The following SNW1 variants were observed in gnomAD, a reference collection of about 807,000 sequenced individuals.
The protein encoded by SNW1 is SNW domain containing 1, also known as SNW domain-containing protein 1.
A neutral mutation model predicts 75.6 loss-of-function variants in SNW1; 9 were observed. The ratio of observed to expected loss-of-function variants is 0.12; its 90% CI spans 0.07 to 0.21. The LOEUF (loss-of-function observed/expected upper bound fraction) is 0.21. SNW1 is among the 10% of genes least tolerant of loss of function. The pLI is 1.00. For missense variants in SNW1, 409 were observed against 670.9 expected, an observed-to-expected ratio of 0.61 and a Z score of 4.31; for synonymous variants, 200 against 219.1, an observed-to-expected ratio of 0.91 and a Z score of 0.77.
At chr14:77,761,075 C>G (rs773660006) in intron 1 of SNW1, 39 bp downstream of exon 1, 14 of 1,614,126 alleles carry the variant, frequency 8.7e-6, no homozygotes, top group Non-Finnish European at 1.2e-5. Flanking sequence ...CTGGTACTCC[C>G]AGACCCTTCC....
At chr14:77,745,300 G>A (rs2080752608) in intron 3 of SNW1, among the ~76,000 whole-genome samples, 1 of 152,124 alleles carries the variant, frequency 6.6e-6, no homozygotes, top group African/African-American at 2.4e-5. Flanking sequence ...ATGAATAAGG[G>A]TAGAACTTTC....
At chr14:77,757,542 T>C (rs2080851052) in intron 1 of SNW1, among the ~76,000 whole-genome samples, 1 of 152,228 alleles carries the variant, frequency 6.6e-6, no homozygotes, top group South Asian at 2.1e-4. Flanking sequence ...AGGTTCTGTA[T>C]GTTTGATTAT....
Position 77,731,142 on chromosome 14 carries a change from T to C in SNW1, c.892-13A>G. The C allele has an allele frequency of 1.9e-6, 3 of 1,612,976 alleles. No individual in the cohort carries two copies. The highest frequency in any genetic ancestry group is 1.7e-6 in the Non-Finnish European group (2 of 1,179,914). On this transcript the variant is annotated splice_polypyrimidine_tract_variant and intron_variant, in intron 9 of 13. Transcript: ENST00000261531. ...CAGCTTCACGAGCCTGTTGGTAAAG[T>C]CACATGTTAAACAGGACACTATCAT...
At chr14:77,722,441 C>G (rs1307551203) in intron 11 of SNW1, 1 of 432,188 alleles carries the variant, frequency 2.3e-6, no homozygotes, top group South Asian at 1.6e-5. Flanking sequence ...CTCAATTGTA[C>G]TAGATGCAGT....
intron 2 of SNW1, among the ~76,000 whole-genome samples, chr14:77,751,845 C>CCACA (rs1555388653): frequency 3.3e-5 from 4 of 122,578 alleles, no homozygotes; most frequent in Admixed American, 1.5e-4. Flanking sequence ...CACACACACA[C>CCACA]CACACACACA....
intron 8 of SNW1, chr14:77,733,923 A>T: frequency 2.2e-6 from 1 of 445,718 alleles, no homozygotes; most frequent in Non-Finnish European, 4.5e-6. Flanking sequence ...AGTCTCTCAA[A>T]TGTTGACTTT....
chr14:77,748,641 C>T (rs982308817), intron 3 of SNW1, among the ~76,000 whole-genome samples: 4 of 151,548 alleles, frequency 2.6e-5, no homozygotes, highest in South Asian at 2.1e-4. Context: ...GGCTGGAGTG[C>T]GGTGGTGCCG....
chr14:77,747,847 G>A (rs2080776073), intron 3 of SNW1, among the ~76,000 whole-genome samples: 1 of 150,358 alleles, frequency 6.7e-6, no homozygotes, highest in Non-Finnish European at 1.5e-5. Flanking sequence ...GGGCGCCTCT[G>A]CCCGGCCGCC....
chr14:77,748,905 TA>T (rs1230431516), intron 3 of SNW1, among the ~76,000 whole-genome samples: 2 of 152,036 alleles, frequency 1.3e-5, no homozygotes, highest in East Asian at 3.9e-4. Context: ...TAATTTTTTT[TA>T]AAAAAATCAA....
At chr14:77,738,304 C>T (rs1235105269) in intron 5 of SNW1, among the ~76,000 whole-genome samples, 2 of 151,046 alleles carry the variant, frequency 1.3e-5, no homozygotes, top group African/African-American at 4.9e-5. Context: ...CTGTCCCCCA[C>T]CCCAAAAAAA....
intron 3 of SNW1, among the ~76,000 whole-genome samples, chr14:77,743,053 C>T (rs1202624109): frequency 2.0e-5 from 3 of 151,764 alleles, no homozygotes; most frequent in African/African-American, 7.3e-5. Flanking sequence ...CGGAGAAACA[C>T]TGTCTCTACC....
At chr14:77,720,869 A>G (rs758336544) in intron 11 of SNW1, 41 bp from the exon 12 acceptor site, 4 of 1,239,128 alleles carry the variant, frequency 3.2e-6, no homozygotes, top group East Asian at 2.3e-5. Context: ...AACTCTTTAT[A>G]GACAAGCTGA....
At chr14:77,722,242 T>C (rs530011761) in intron 11 of SNW1, among the ~76,000 whole-genome samples, 1 of 152,320 alleles carries the variant, frequency 6.6e-6, no homozygotes, top group East Asian at 1.9e-4. Flanking sequence ...AGCCATAAAC[T>C]TCCCCAATTC....
At position 77,731,167 on chromosome 14, in the gene SNW1, T is replaced by C. The variant is rs576598900; in HGVS notation, c.892-38A>G. On this transcript the variant is annotated intron_variant, in intron 9 of 13. Coordinates refer to ENST00000261531, the MANE Select transcript of SNW1 (RefSeq NM_012245.3). ...TCACATGTTAAACAGGACACTATCA[T>C]GGGATAAATATTTATGGCTATCATC... 1.2e-4 allele frequency: 187 copies of C among 1,603,106 alleles called. No homozygotes were observed. The Admixed American group carries it at 1.6e-3, about 14-fold the overall frequency.
chr14:77,720,399 TG>T (rs1384868296), intron 12 of SNW1: 9 of 659,620 alleles, frequency 1.4e-5, no homozygotes, highest in Non-Finnish European at 2.5e-5. Context: ...CCTCCAAATG[TG>T]TTGGGATTAC....
intron 3 of SNW1, among the ~76,000 whole-genome samples, chr14:77,743,043 C>T (rs1044799412): frequency 1.8e-4 from 27 of 151,564 alleles, no homozygotes; most frequent in African/African-American, 6.3e-4. Flanking sequence ...CTGACCAACA[C>T]GGAGAAACAC....
intron 3 of SNW1, 47 bp from the exon 4 acceptor site, chr14:77,739,108 A>T: frequency 7.2e-7 from 1 of 1,384,112 alleles, no homozygotes; most frequent in Non-Finnish European, 1.0e-6. Context: ...AAACAACGAA[A>T]AGAAACCTCA....
chr14:77,755,190 G>A, intron 1 of SNW1, 70 bp from the exon 2 acceptor site: 15 of 1,372,504 alleles, frequency 1.1e-5, no homozygotes, highest in Non-Finnish European at 1.5e-5. Flanking sequence ...CTGCAACTTG[G>A]CCACAGAGAC....
intron 3 of SNW1, among the ~76,000 whole-genome samples, chr14:77,740,994 C>T (rs1031327572): frequency 6.7e-6 from 1 of 149,388 alleles, no homozygotes; most frequent in Non-Finnish European, 1.5e-5. Context: ...CTACATGAGA[C>T]GCTGAGGCAG....
Sources: allele counts gnomAD v4.1 joint callset (sites outside exome capture counted in the v4.1 genomes callset), GRCh38; gene constraint gnomAD v4.1.1; transcripts MANE v1.5; gene names NCBI Gene and HGNC (gene_info 2026-07-23, HGNC 2026-07-21).